The following LOC128706665 variants were observed in gnomAD, a reference collection of about 807,000 sequenced individuals.
At chr20:10,415,931 G>A in the LOC128706665 span, among the ~76,000 whole-genome samples, 1 of 152,046 alleles carries the variant, frequency 6.6e-6, no homozygotes, top group Non-Finnish European at 1.5e-5. Flanking sequence ...AAAACTTGTT[G>A]ACCTGTGGTC....
chr20:10,414,740 C>T, the LOC128706665 span, among the ~76,000 whole-genome samples: 82 of 152,260 alleles, frequency 5.4e-4, no homozygotes, highest in African/African-American at 1.8e-3. Flanking sequence ...GTTGGCATGT[C>T]TACTGCAGGA....
chr20:10,416,647 T>C, the LOC128706665 span, among the ~76,000 whole-genome samples: 1 of 152,218 alleles, frequency 6.6e-6, no homozygotes, highest in South Asian at 2.1e-4. Context: ...TTTCCTTGTA[T>C]AAATGCATTT....
chr20:10,420,038 G>A, the LOC128706665 span, among the ~76,000 whole-genome samples: 1 of 152,152 alleles, frequency 6.6e-6, no homozygotes, highest in South Asian at 2.1e-4. Flanking sequence ...TTGAATTTTG[G>A]AATTATGGAT....
the LOC128706665 span, chr20:10,431,908 C>A: frequency 2.0e-5 from 3 of 150,948 alleles, no homozygotes; most frequent in South Asian, 6.3e-4. Context: ...AGCACTCAAC[C>A]TAAAGTGTTT....
At chr20:10,417,437 C>T in the LOC128706665 span, among the ~76,000 whole-genome samples, 1 of 151,854 alleles carries the variant, frequency 6.6e-6, no homozygotes, top group Admixed American at 6.6e-5. Context: ...ACAGCAAGAC[C>T]CTGGTTCTAA....
the LOC128706665 span, among the ~76,000 whole-genome samples, chr20:10,426,455 G>T: frequency 1.3e-5 from 2 of 152,210 alleles, no homozygotes; most frequent in South Asian, 4.1e-4. Flanking sequence ...GCCCAAGGGG[G>T]AGCGTAGTGG....
At chr20:10,422,904 G>C in the LOC128706665 span, among the ~76,000 whole-genome samples, 5 of 151,744 alleles carry the variant, frequency 3.3e-5, no homozygotes, top group African/African-American at 1.2e-4. Flanking sequence ...GTAGAGACAG[G>C]GTTTCACCGT....
the LOC128706665 span, among the ~76,000 whole-genome samples, chr20:10,424,800 C>T: frequency 6.6e-6 from 1 of 151,838 alleles, no homozygotes; most frequent in Non-Finnish European, 1.5e-5. Context: ...GCCTGTAATC[C>T]CAGCACTTTG....
chr20:10,429,067 T>C, the LOC128706665 span, among the ~76,000 whole-genome samples: 2 of 152,196 alleles, frequency 1.3e-5, no homozygotes, highest in African/African-American at 4.8e-5. Context: ...CTAAGGCAAC[T>C]GCCCTTTACC....
At chr20:10,413,725 T>G in the LOC128706665 span, 1 of 616,566 alleles carries the variant, frequency 1.6e-6, no homozygotes, top group Admixed American at 2.9e-5. Flanking sequence ...TTCCAAATAT[T>G]TATTTTACTT....
the LOC128706665 span, among the ~76,000 whole-genome samples, chr20:10,414,173 T>C: frequency 6.6e-6 from 1 of 152,004 alleles, no homozygotes; most frequent in Non-Finnish European, 1.5e-5. Context: ...CACAACAACA[T>C]GGCTAGAAAG....
At chr20:10,433,410 G>A in the LOC128706665 span, among the ~76,000 whole-genome samples, 3 of 152,194 alleles carry the variant, frequency 2.0e-5, no homozygotes, top group Admixed American at 6.5e-5. Flanking sequence ...AGTCAGGACC[G>A]TGCAAGTCCC....
chr20:10,420,007 T>C, the LOC128706665 span, among the ~76,000 whole-genome samples: 1 of 152,160 alleles, frequency 6.6e-6, no homozygotes. Context: ...GAGGATAAAA[T>C]GTTTTGGTTT....
the LOC128706665 span, among the ~76,000 whole-genome samples, chr20:10,420,157 A>C: frequency 6.6e-6 from 1 of 152,172 alleles, no homozygotes; most frequent in African/African-American, 2.4e-5. Context: ...AAATGAATAC[A>C]ATTAGTTTTG....
chr20:10,416,490 TGAC>T, the LOC128706665 span, among the ~76,000 whole-genome samples: 1 of 150,962 alleles, frequency 6.6e-6, no homozygotes, highest in African/African-American at 2.4e-5. Flanking sequence ...AAAAAAAACA[TGAC>T]GACAGCAACA....
chr20:10,420,214 T>A, the LOC128706665 span, among the ~76,000 whole-genome samples: 1 of 152,190 alleles, frequency 6.6e-6, no homozygotes, highest in South Asian at 2.1e-4. Context: ...TAATCTTGTA[T>A]AAATTTGGAC....
chr20:10,419,520 C>G, the LOC128706665 span, among the ~76,000 whole-genome samples: 1 of 152,158 alleles, frequency 6.6e-6, no homozygotes, highest in Non-Finnish European at 1.5e-5. Flanking sequence ...TCCAAGACCA[C>G]CCAGTGGATG....
At chr20:10,417,245 TA>T in the LOC128706665 span, among the ~76,000 whole-genome samples, 105,265 of 132,396 alleles carry the variant, frequency 0.8, 42,108 homozygotes, top group Non-Finnish European at 0.86. Context: ...GACTCCATCT[TA>T]AAAAAAAAAA....
chr20:10,417,354 T>C, the LOC128706665 span, among the ~76,000 whole-genome samples: 1 of 152,188 alleles, frequency 6.6e-6, no homozygotes, highest in Non-Finnish European at 1.5e-5. Context: ...CTCTTGCCTG[T>C]AATCCCATCA....
Sources: allele counts gnomAD v4.1 joint callset (sites outside exome capture counted in the v4.1 genomes callset), GRCh38; gene constraint gnomAD v4.1.1; transcripts MANE v1.5.